Variants in ZNF710 observed in about 807,000 individuals in gnomAD.
ZNF710 encodes the protein zinc finger protein 710.
In ZNF710, 13 loss-of-function variants were observed where a neutral mutation model predicts 50.6. The ratio of observed to expected loss-of-function variants is 0.26; its 90% CI spans 0.17 to 0.41. The LOEUF (loss-of-function observed/expected upper bound fraction) is 0.41, where lower values mean the gene tolerates loss of function less well. Among genes scored for constraint, ZNF710 ranks in the 10% least tolerant of loss-of-function variants. The pLI is 1.00. For synonymous variants in ZNF710, 383 were observed against 397.0 expected (o/e 0.96, Z 0.42); for missense variants, 721 against 936.6 (o/e 0.77, Z 3.01).
chr15:90,008,409 C>CGTGT (rs530102600), intron 1 of ZNF710, among the ~76,000 whole-genome samples: 3,085 of 130,096 alleles, frequency 0.024, 57 homozygotes, highest in Non-Finnish European at 0.034. Flanking sequence ...ATATAGTATA[C>CGTGT]GTGTGTGTGT....
At position 90,034,276 on chromosome 15, in the gene ZNF710, G is replaced by A. The variant is rs1378389316; in HGVS notation, c.-29+32662G>A. Among the ~76,000 whole-genome samples, 2 of 151,916 alleles carry A rather than the reference G, an allele frequency of 1.3e-5. No individual in the cohort carries two copies. Among genetic ancestry groups the A allele is most frequent in the Non-Finnish European group, 2.9e-5 (2 of 67,946 alleles). ...CCTGGAGGGGTTCTTCTGCCAGATA[G>A]AAACAAGATATCACATGCAAGAGGC... On this transcript the variant is annotated intron_variant, in intron 1 of 4. Coordinates refer to ENST00000268154, the MANE Select transcript of ZNF710 (RefSeq NM_198526.4). The surrounding 1 kb of genome is among the most constrained non-coding windows in gnomAD (Gnocchi z 4.0).
rs1899257943 is a variant in ZNF710 at position 90,040,246 on chromosome 15, GA to G, written c.-28-26862del. Among the ~76,000 whole-genome samples, 1 of 152,192 alleles carries G rather than the reference GA, an allele frequency of 6.6e-6. No individual in the cohort carries two copies. Among genetic ancestry groups the G allele is most frequent in the Non-Finnish European group, 1.5e-5 (1 of 68,030 alleles). On this transcript the variant is annotated intron_variant, in intron 1 of 4. Transcript: ENST00000268154. The surrounding 1 kb of genome is among the most constrained non-coding windows in gnomAD (Gnocchi z 4.6). ...CGTAGATCATACCGCCTTTGTTGAG[GA>G]AGTCGTGTCTGAGGATCTGGTCCCC...
chr15:90,041,259 C>T (rs960972277), intron 1 of ZNF710, among the ~76,000 whole-genome samples: 1 of 152,080 alleles, frequency 6.6e-6, no homozygotes, highest in Admixed American at 6.6e-5. Context: ...TAGAATGCAG[C>T]GGCATGATCA....
chr15:90,048,059 C>T (rs1399991538), intron 1 of ZNF710, among the ~76,000 whole-genome samples: 1 of 152,232 alleles, frequency 6.6e-6, no homozygotes, highest in Non-Finnish European at 1.5e-5. Context: ...TTAAATGACA[C>T]ACTGTGCTGA....
At chr15:90,048,010 G>A (rs1899523287) in intron 1 of ZNF710, among the ~76,000 whole-genome samples, 1 of 152,208 alleles carries the variant, frequency 6.6e-6, no homozygotes. Context: ...TGTAAAACAG[G>A]GTGATGGCAC....
intron 1 of ZNF710, among the ~76,000 whole-genome samples, chr15:90,030,268 G>A (rs1014699325): frequency 7.3e-6 from 1 of 136,340 alleles, no homozygotes; most frequent in African/African-American, 2.8e-5. Flanking sequence ...GGCAGAGGTT[G>A]CAGTGAGCCA....
intron 1 of ZNF710, among the ~76,000 whole-genome samples, chr15:90,057,955 A>AC: frequency 6.6e-6 from 1 of 152,178 alleles, no homozygotes; most frequent in East Asian, 1.9e-4. Flanking sequence ...TTCACCCCTC[A>AC]TATCCTTGGG....
chr15:90,012,290 ATTTTTTT>A (rs1026567607), intron 1 of ZNF710, among the ~76,000 whole-genome samples: 9 of 94,554 alleles, frequency 9.5e-5, no homozygotes, highest in Non-Finnish European at 1.3e-4. Flanking sequence ...TTGAGTGTGC[ATTTTTTT>A]TTTTTTTTTT....
At chr15:90,054,191 A>G (rs1456850379) in intron 1 of ZNF710, among the ~76,000 whole-genome samples, 2 of 152,058 alleles carry the variant, frequency 1.3e-5, no homozygotes, top group Non-Finnish European at 2.9e-5. Context: ...GAGGGGAGAG[A>G]TGAAAGAGGG....
chr15:90,001,287 A>G (rs1898003851), upstream of ZNF710: 1 of 152,206 alleles, frequency 6.6e-6, no homozygotes, highest in Non-Finnish European at 1.5e-5. Flanking sequence ...GAGAAAACAA[A>G]AGAGAGATAA....
At chr15:90,009,427 G>A (rs1056348660) in intron 1 of ZNF710, among the ~76,000 whole-genome samples, 7 of 152,046 alleles carry the variant, frequency 4.6e-5, no homozygotes, top group African/African-American at 1.7e-4. Context: ...TCACAAGACT[G>A]TAGACTTGCC....
Position 90,081,992 on chromosome 15 carries a change from C to T in ZNF710, c.*2163C>T, listed in dbSNP as rs568064640. 4.6e-5 allele frequency: 7 copies of T among 152,370 alleles called. No individual in the cohort carries two copies. The South Asian group carries it at 1.4e-3, about 32-fold the overall frequency. 9.4% of individuals were successfully genotyped at this position (152,370 alleles called of 1,614,324 possible). A position where few individuals can be genotyped will look rare whatever the true frequency, so the allele number is the denominator to read the frequency against. ...TGGCAAGGCTCCTGTCTGTACCCCT[C>T]CCTAACCTTCTCAAAAGAGGTGCAC... On this transcript the variant is annotated 3_prime_UTR_variant, in exon 5 of 5. Transcript: ENST00000268154.
At chr15:90,045,526 G>T (rs1899431982) in intron 1 of ZNF710, among the ~76,000 whole-genome samples, 1 of 152,104 alleles carries the variant, frequency 6.6e-6, no homozygotes, top group African/African-American at 2.4e-5. Context: ...CTGAGCCCAG[G>T]GGCCGCTGGG....
intron 1 of ZNF710, among the ~76,000 whole-genome samples, chr15:90,016,403 T>C (rs933678749): frequency 1.3e-5 from 2 of 152,148 alleles, no homozygotes; most frequent in Admixed American, 1.3e-4. Context: ...TCCAGAGCCA[T>C]TGGACTCATC....
intron 1 of ZNF710, among the ~76,000 whole-genome samples, chr15:90,042,916 G>A (rs1030125163): frequency 6.6e-6 from 1 of 152,230 alleles, no homozygotes; most frequent in African/African-American, 2.4e-5. Flanking sequence ...GTGAGAACAC[G>A]CCTCAACGTC....
At chr15:90,053,536 C>T (rs1239528709) in intron 1 of ZNF710, among the ~76,000 whole-genome samples, 1 of 152,030 alleles carries the variant, frequency 6.6e-6, no homozygotes, top group Non-Finnish European at 1.5e-5. Context: ...AATGGGGTTT[C>T]ACAATGTTGC....
chr15:90,019,607 C>T (rs577481614), intron 1 of ZNF710, among the ~76,000 whole-genome samples: 8 of 152,296 alleles, frequency 5.3e-5, no homozygotes, highest in Admixed American at 1.3e-4. Context: ...ATGTTTCTCA[C>T]GGGTCATACA....
rs1899947433 is a variant in ZNF710 at position 90,059,794 on chromosome 15, C to G, written c.-28-7316C>G. Reference sequence around the variant, plus strand: ...GTAGAGTTTCCCTTGAAGCCTCCTGCGAGGAGGACAACAGGGGAAACCAAG... The same window carrying G: ...GTAGAGTTTCCCTTGAAGCCTCCTGGGAGGAGGACAACAGGGGAAACCAAG... On this transcript the variant is annotated intron_variant, in intron 1 of 4. Coordinates refer to ENST00000268154, the MANE Select transcript of ZNF710 (RefSeq NM_198526.4). This position sits in a 1 kb window ranked among gnomAD's most constrained non-coding sequence, Gnocchi z 4.1. Among the ~76,000 whole-genome samples, 1 of 152,186 alleles carries G rather than the reference C, an allele frequency of 6.6e-6. No homozygotes were observed. The highest frequency in any genetic ancestry group is 6.5e-5 in the Admixed American group (1 of 15,278).
At chr15:90,056,624 C>T (rs1899827605) in intron 1 of ZNF710, among the ~76,000 whole-genome samples, 3 of 152,180 alleles carry the variant, frequency 2.0e-5, no homozygotes, top group South Asian at 4.1e-4. Flanking sequence ...AGCCAAGCAT[C>T]CCTCCCTTGC....
Sources: gnomAD v4.1 joint callset for allele counts (sites outside exome capture counted in the v4.1 genomes callset) on GRCh38, gnomAD v4.1.1 for gene constraint, Gnocchi (gnomAD v3.1) non-coding constraint, MANE v1.5 for transcripts, NCBI Gene and HGNC (gene_info 2026-07-23, HGNC 2026-07-21) for gene names.